Variants in BRIX1 observed in about 807,000 individuals in gnomAD.
BRIX1 encodes biogenesis of ribosomes BRX1.
A neutral mutation model predicts 44.0 loss-of-function variants in BRIX1; 15 were observed. The observed-to-expected ratio is 0.34, with a 90% confidence interval of 0.23 to 0.53. The LOEUF (loss-of-function observed/expected upper bound fraction) is 0.53. Among genes scored for constraint, BRIX1 ranks in the 20% least tolerant of loss-of-function variants. The pLI is 0.95. For missense variants in BRIX1, 420 were observed against 432.8 expected (o/e 0.97, Z 0.26); for synonymous variants, 149 against 135.4 (o/e 1.10, Z -0.70).
intron 1 of BRIX1, 83 bp from the exon 2 acceptor site, chr5:34,918,281 G>A (rs1236153752): frequency 4.3e-6 from 3 of 695,206 alleles, no homozygotes; most frequent in East Asian, 5.8e-5. Flanking sequence ...CTTCAGCCTG[G>A]GCAACAGTGT....
At position 34,915,773 on chromosome 5, in the gene BRIX1, T is replaced by G. The variant is rs746722011; in HGVS notation, c.35T>G (p.Phe12Cys). The G allele has an allele frequency of 6.2e-7, 1 of 1,602,198 alleles. No individual in the cohort carries two copies. The highest frequency in any genetic ancestry group is 1.1e-5 in the South Asian group (1 of 89,220). Residue 12 changes from phenylalanine to cysteine, a missense_variant, in exon 1 of 10, where the codon TTT becomes TGT. By Grantham distance (205) the Phe-to-Cys change is radical (BLOSUM62 -2). Transcript: ENST00000336767. ...AATKRKRRGG[F>C]AVQAKKPKRN... ...ACCAAGAGGAAACGGCGTGGAGGCT[T>G]TGCAGTTCAGGCGAAGAAGCCAAAA... is the stretch of plus-strand genomic sequence containing the variant.
At chr5:34,923,105 A>C in intron 7 of BRIX1, 28 bp from the exon 8 acceptor site, 1 of 1,589,796 alleles carries the variant, frequency 6.3e-7, no homozygotes, top group Non-Finnish European at 8.6e-7. Context: ...TCTTGGAATA[A>C]GGAACTAACA....
Position 34,925,386 on chromosome 5 carries a change from T to C in BRIX1, c.953T>C (p.Ile318Thr). ...CCAGCTGAGGAGAAACCAATAGAAA[T>C]ACAGTGGGTAAAACCAGAGCCAAAA... Reference protein sequence around the residue: ...VTPAEEKPIEIQWVKPEPKVD... With the variant: ...VTPAEEKPIETQWVKPEPKVD... Residue 318 changes from isoleucine to threonine, a missense_variant, in exon 10 of 10, where the codon ATA (isoleucine) becomes ACA (threonine). Coordinates refer to ENST00000336767, the MANE Select transcript of BRIX1 (RefSeq NM_018321.4). The C allele has an allele frequency of 6.2e-7, 1 of 1,613,796 alleles. No homozygotes were observed. Among genetic ancestry groups the C allele is most frequent in the Non-Finnish European group, 8.5e-7 (1 of 1,179,966 alleles).
intron 3 of BRIX1, 180 bp from the exon 4 acceptor site, chr5:34,922,037 T>C: frequency 2.6e-6 from 1 of 381,750 alleles, no homozygotes; most frequent in Non-Finnish European, 4.7e-6. Flanking sequence ...TTACCTTGGG[T>C]AGAATACCTA....
At position 34,923,232 on chromosome 5, in the gene BRIX1, C is replaced by G; in HGVS notation, c.661C>G (p.Gln221Glu). The G allele has an allele frequency of 6.3e-7, 1 of 1,597,554 alleles. No individual in the cohort carries two copies. Among genetic ancestry groups the G allele is most frequent in the Non-Finnish European group, 8.6e-7 (1 of 1,165,268 alleles). ...TAATAGGATATGGTTTCGGAACTTT[C>G]AGGTAAGCTTTACTTGATTTTTAAT... ...LDNRIWFRNF[Q>E]IIEEDAALVE... The change falls in exon 8 of 10, where the codon CAG becomes GAG. Residue 221 changes from glutamine (Q) to glutamate (E), a missense_variant and splice_region_variant. Transcript: ENST00000336767.
intron 2 of BRIX1, among the ~76,000 whole-genome samples, chr5:34,919,167 TCAGGAGTCTCAAG>T (rs1450724248): frequency 2.7e-5 from 4 of 148,168 alleles, no homozygotes; most frequent in Non-Finnish European, 5.9e-5. Context: ...TCCCAGCTAC[TCAGGAGTCTCAAG>T]CAGGAGGATG....
chr5:34,922,476 A>G, intron 4 of BRIX1, 63 bp from the exon 5 acceptor site: 1 of 1,028,536 alleles, frequency 9.7e-7, no homozygotes, highest in Non-Finnish European at 1.5e-6. Context: ...TTTATGGTGA[A>G]TAGGTGGTAA....
rs115542979 is a variant in BRIX1, at chr5:34,915,770, G to A, written c.32G>A (p.Gly11Asp). Residue 11 changes from glycine to aspartate, a missense_variant, in exon 1 of 10, where the codon GGC becomes GAC. Gly to Asp is a moderately conservative substitution (Grantham distance 94). Coordinates refer to ENST00000336767, the MANE Select transcript of BRIX1 (RefSeq NM_018321.4). ...GCAACCAAGAGGAAACGGCGTGGAG[G>A]CTTTGCAGTTCAGGCGAAGAAGCCA... is the stretch of plus-strand genomic sequence containing the variant. Reference protein sequence around the residue: MAATKRKRRGGFAVQAKKPKR... With the variant: MAATKRKRRGDFAVQAKKPKR... 394 of 1,603,068 alleles carry A rather than the reference G, an allele frequency of 2.5e-4. No individual in the cohort carries two copies. The highest frequency in any genetic ancestry group is 3.1e-4 in the Non-Finnish European group (361 of 1,174,854).
intron 6 of BRIX1, 66 bp downstream of exon 6, chr5:34,922,834 T>G (rs370040292): frequency 7.0e-7 from 1 of 1,431,808 alleles, no homozygotes; most frequent in South Asian, 1.2e-5. Context: ...TTAGTAGATA[T>G]AGTTGTGTTA....
rs1345272129 is a variant in BRIX1, at chr5:34,923,054, A to G, written c.561+3A>G. On this transcript the variant is annotated splice_donor_region_variant and intron_variant, in intron 7 of 9. Transcript: ENST00000336767. Reference sequence around the variant, plus strand: ...TGTTAAAAGAACTCTTAATTCAGGTAAATATCTTTAAAATTAGCTATCCAA... The same window carrying G: ...TGTTAAAAGAACTCTTAATTCAGGTGAATATCTTTAAAATTAGCTATCCAA... 3 of 1,556,606 alleles carry G rather than the reference A, an allele frequency of 1.9e-6. No individual in the cohort carries two copies. Among genetic ancestry groups the G allele is most frequent in the African/African-American group, 1.4e-5 (1 of 73,792 alleles).
chr5:34,917,550 G>T (rs377308907), intron 1 of BRIX1, among the ~76,000 whole-genome samples: 2 of 152,086 alleles, frequency 1.3e-5, no homozygotes, highest in African/African-American at 4.8e-5. Context: ...TGAGGCAGGA[G>T]AATCGCTTGA....
intron 5 of BRIX1, 30 bp from the exon 6 acceptor site, chr5:34,922,665 C>T (rs371362082): frequency 1.6e-5 from 26 of 1,604,916 alleles, no homozygotes; most frequent in Non-Finnish European, 2.0e-5. Flanking sequence ...AAAGTTACAA[C>T]TATTTTTGTT....
rs929036581 is a variant in BRIX1 at position 34,925,290 on chromosome 5, T to G, written c.857T>G (p.Val286Gly). 1.2e-6 allele frequency: 2 copies of G among 1,613,046 alleles called. No individual in the cohort carries two copies. The highest frequency in any genetic ancestry group is 4.5e-5 in the East Asian group (2 of 44,848). Residue 286 changes from valine to glycine, a missense_variant, in exon 10 of 10, where the codon GTG (valine) becomes GGG (glycine). Coordinates refer to ENST00000336767, the MANE Select transcript of BRIX1 (RefSeq NM_018321.4). ...KYREKQQVKD[V>G]QKLRKKEPKT... The stretch of plus-strand genomic sequence containing the variant: ...AGAGAGAAACAGCAAGTGAAAGATG[T>G]GCAAAAACTGAGAAAGAAAGAGCCG...
Position 34,925,473 on chromosome 5 carries a change from T to G in BRIX1, c.1040T>G (p.Met347Arg), listed in dbSNP as rs1186162330. The G allele has an allele frequency of 1.2e-6, 2 of 1,612,618 alleles. No individual in the cohort carries two copies. Among genetic ancestry groups the G allele is most frequent in the Admixed American group, 3.3e-5 (2 of 59,842 alleles). Residue 347 changes from methionine to arginine, a missense_variant, in exon 10 of 10, where the codon ATG (methionine) becomes AGG (arginine). Physicochemically the swap from Met to Arg is moderately conservative, Grantham distance 91. Coordinates refer to ENST00000336767, the MANE Select transcript of BRIX1 (RefSeq NM_018321.4). ...YKRQRKMKQR[M>R]DSGKTK ...AGGCAAAGAAAAATGAAACAGAGGA[T>G]GGACAGTGGGAAAACAAAATAAGTC...
Position 34,925,207 on chromosome 5 carries a change from CTTTT to C in BRIX1, c.793-6_793-3del, listed in dbSNP as rs35326249. 334 of 1,354,716 alleles carry C rather than the reference CTTTT, an allele frequency of 2.5e-4. No individual in the cohort carries two copies. The highest frequency in any genetic ancestry group is 7.3e-4 in the Admixed American group (27 of 36,914). 83.9% of individuals were successfully genotyped at this position (1,354,716 alleles called of 1,614,324 possible). On this transcript the variant is annotated splice_polypyrimidine_tract_variant and intron_variant, in intron 9 of 9. Coordinates refer to ENST00000336767, the MANE Select transcript of BRIX1 (RefSeq NM_018321.4). ...TATTTTTATTTCAAAAGCATCTAAT[CTTTT>C]TTTTTTTTTTTTAGCATCGGCGTGT...
intron 1 of BRIX1, 166 bp downstream of exon 1, chr5:34,916,063 T>G: frequency 1.3e-6 from 1 of 771,454 alleles, no homozygotes; most frequent in East Asian, 3.2e-5. Flanking sequence ...AGTTTGCAGC[T>G]AATCCTTGTG....
At chr5:34,919,274 CAA>C (rs71299559) in intron 2 of BRIX1, among the ~76,000 whole-genome samples, 21 of 35,972 alleles carry the variant, frequency 5.8e-4, no homozygotes, top group East Asian at 1.4e-3. Context: ...GACCCTGTCT[CAA>C]AAAAAAAAAA....
At position 34,924,891 on chromosome 5, in the gene BRIX1, T is replaced by G. The variant is rs1202846690; in HGVS notation, c.708T>G (p.Phe236Leu). The G allele has an allele frequency of 1.9e-6, 3 of 1,608,544 alleles. No individual in the cohort carries two copies. The highest frequency in any genetic ancestry group is 2.7e-5 in the African/African-American group (2 of 74,816). The change falls in exon 9 of 10, where the codon TTT becomes TTG. Residue 236 changes from phenylalanine to leucine, a missense_variant. By Grantham distance (22) the Phe-to-Leu change is conservative. Transcript: ENST00000336767. ...DAALVEIGPR[F>L]VLNLIKIFQG... is the part of the protein sequence containing the mutation. Reference sequence around the variant, plus strand: ...CTCTTGTAGAAATAGGACCTCGTTTTGTCTTAAATCTCATAAAGATTTTCC... The same window carrying G: ...CTCTTGTAGAAATAGGACCTCGTTTGGTCTTAAATCTCATAAAGATTTTCC...
chr5:34,919,474 C>T (rs1764194025), intron 2 of BRIX1, among the ~76,000 whole-genome samples: 1 of 151,944 alleles, frequency 6.6e-6, no homozygotes. Flanking sequence ...TTTTCTTTGA[C>T]ACCTAAGATT....
Sources: gnomAD v4.1 joint callset for allele counts (sites outside exome capture counted in the v4.1 genomes callset) on GRCh38, gnomAD v4.1.1 for gene constraint, MANE v1.5 for transcripts, NCBI Gene and HGNC (gene_info 2026-07-23, HGNC 2026-07-21) for gene names.